ERC1: variants seen among roughly 807,000 people sequenced by gnomAD.
ERC1 encodes the protein ELKS/RAB6-interacting/CAST family member 1, also known as RAB6 interacting protein 2.
A neutral mutation model predicts 132.0 loss-of-function variants in ERC1; 56 were observed. The observed-to-expected ratio is 0.42, with a 90% CI of 0.34 to 0.53. ERC1 has a LOEUF of 0.53. Among genes scored for constraint, ERC1 ranks in the 20% least tolerant of loss-of-function variants. ERC1 has a pLI of 0.03. For missense variants in ERC1, 1,202 were observed against 1,349.9 expected (o/e 0.89, Z 1.72); for synonymous variants, 478 against 476.1 (o/e 1.00, Z -0.05).
At chr12:1,013,911 T>G (rs1965093885) in intron 1 of ERC1, among the ~76,000 whole-genome samples, 1 of 151,842 alleles carries the variant, frequency 6.6e-6, no homozygotes, top group African/African-American at 2.4e-5. Flanking sequence ...AAAAAAAAAG[T>G]TTTTTGTGGA....
intron 5 of ERC1, among the ~76,000 whole-genome samples, chr12:1,110,971 T>C (rs1476921573): frequency 6.6e-6 from 1 of 152,204 alleles, no homozygotes; most frequent in African/African-American, 2.4e-5. Flanking sequence ...CCCAAAGTGC[T>C]GGGATTACAG....
At chr12:1,375,544 T>C (rs552430481) in intron 16 of ERC1, among the ~76,000 whole-genome samples, 2 of 152,252 alleles carry the variant, frequency 1.3e-5, no homozygotes, top group East Asian at 3.9e-4. Flanking sequence ...ATGTAACTTA[T>C]TTACCCATTC....
At chr12:990,934 C>CGTGTGTGTGTGT (rs758442595), upstream of ERC1, 20 of 99,418 alleles carry the variant, frequency 2.0e-4, no homozygotes, top group African/African-American at 6.1e-4. Context: ...CCGCAGGGGT[C>CGTGTGTGTGTGT]GTGTGTGTGT....
In ERC1 at chr12:1,484,739, G is replaced by A. The variant is rs144300336; in HGVS notation, c.3214-5354G>A. 8.6e-3 allele frequency among the ~76,000 whole-genome samples: 1,313 copies of A among 151,952 alleles called. 22 individuals carry two copies. Among genetic ancestry groups the A allele is most frequent in the African/African-American group, 0.03 (1,232 of 41,424 alleles). On this transcript the variant is annotated intron_variant, in intron 18 of 18. Transcript: ENST00000360905. ...ACTACAGGTGCACGCCACCATGCCC[G>A]GCTAATTTTTTGTATTTTTTTTAGT...
chr12:1,464,613 G>A (rs1044768279), intron 18 of ERC1, among the ~76,000 whole-genome samples: 6 of 135,448 alleles, frequency 4.4e-5, no homozygotes, highest in Admixed American at 2.5e-4. Context: ...TCCCCCTCCC[G>A]AGTTCAAGCA....
At chr12:1,099,499 A>G (rs1445206913) in intron 3 of ERC1, among the ~76,000 whole-genome samples, 1 of 152,234 alleles carries the variant, frequency 6.6e-6, no homozygotes, top group Non-Finnish European at 1.5e-5. Context: ...ACAAGATCCC[A>G]AGACTACGTC....
At chr12:1,196,214 T>C (rs1047036276) in intron 12 of ERC1, among the ~76,000 whole-genome samples, 3 of 152,130 alleles carry the variant, frequency 2.0e-5, no homozygotes, top group African/African-American at 7.2e-5. Flanking sequence ...ACTTTTCTTT[T>C]GTTGTAGTCC....
intron 18 of ERC1, among the ~76,000 whole-genome samples, chr12:1,482,805 G>T (rs963541449): frequency 2.0e-5 from 3 of 152,056 alleles, no homozygotes; most frequent in Non-Finnish European, 4.4e-5. Flanking sequence ...CCCATTGCAA[G>T]TACATAATTC....
At chr12:1,052,972 A>G (rs905385206) in intron 2 of ERC1, among the ~76,000 whole-genome samples, 4 of 137,642 alleles carry the variant, frequency 2.9e-5, no homozygotes, top group Non-Finnish European at 4.5e-5. Context: ...CTATGTCTCG[A>G]AAAAAAAAAA....
intron 18 of ERC1, among the ~76,000 whole-genome samples, chr12:1,452,152 T>C (rs1211958760): frequency 6.6e-6 from 1 of 152,240 alleles, no homozygotes; most frequent in Non-Finnish European, 1.5e-5. Context: ...CACCTTGTTT[T>C]TGAGATGTTC....
chr12:1,424,226 T>C (rs535987427), intron 17 of ERC1, among the ~76,000 whole-genome samples: 1 of 152,274 alleles, frequency 6.6e-6, no homozygotes, highest in African/African-American at 2.4e-5. Flanking sequence ...AATGAATGAG[T>C]AGGCAATCTA....
At chr12:1,196,466 G>A (rs1160376122) in intron 12 of ERC1, among the ~76,000 whole-genome samples, 2 of 151,500 alleles carry the variant, frequency 1.3e-5, no homozygotes, top group East Asian at 1.9e-4. Context: ...TTGGGTTGGG[G>A]GGGTATGTGT....
chr12:1,329,703 A>C (rs1387622490), intron 15 of ERC1, among the ~76,000 whole-genome samples: 1 of 152,238 alleles, frequency 6.6e-6, no homozygotes, highest in Non-Finnish European at 1.5e-5. Context: ...AATGTGAATA[A>C]GATACCAAAA....
chr12:1,395,426 T>C (rs1203587139), intron 16 of ERC1, among the ~76,000 whole-genome samples: 2 of 149,002 alleles, frequency 1.3e-5, no homozygotes, highest in African/African-American at 5.0e-5. Context: ...TTTTTTTCAG[T>C]TTTAAAATGT....
chr12:1,224,924 A>G (rs2074434062), intron 12 of ERC1, among the ~76,000 whole-genome samples: 1 of 152,054 alleles, frequency 6.6e-6, no homozygotes, highest in Non-Finnish European at 1.5e-5. Context: ...CTGGGAAATG[A>G]GCTATGATTG....
intron 13 of ERC1, among the ~76,000 whole-genome samples, chr12:1,252,580 A>G (rs936290904): frequency 1.3e-5 from 2 of 152,096 alleles, no homozygotes; most frequent in African/African-American, 4.8e-5. Context: ...TTATATGTGT[A>G]CTTTTCTGTT....
At chr12:1,341,063 CTTTTTCTTTTTTTTTTT>C (rs2083799684) in intron 15 of ERC1, among the ~76,000 whole-genome samples, 1 of 45,160 alleles carries the variant, frequency 2.2e-5, no homozygotes, top group Non-Finnish European at 4.5e-5. Flanking sequence ...TTATTCTTTT[CTTTTTCTTTTTTTTTTT>C]TTTTTTTTTT....
chr12:1,437,101 C>G (rs566801698), intron 17 of ERC1, among the ~76,000 whole-genome samples: 13 of 152,200 alleles, frequency 8.5e-5, no homozygotes, highest in Non-Finnish European at 1.5e-4. Flanking sequence ...TTTGTTAACT[C>G]TTAACAGCAA....
At chr12:1,290,150 G>C (rs2079339317) in intron 15 of ERC1, 138 bp downstream of exon 15, 2 of 714,384 alleles carry the variant, frequency 2.8e-6, no homozygotes, top group African/African-American at 3.6e-5. Context: ...TCACTCTCTA[G>C]AATAAATTTG....
Sources: gnomAD v4.1 joint callset for allele counts (sites outside exome capture counted in the v4.1 genomes callset) on GRCh38, gnomAD v4.1.1 for gene constraint, MANE v1.5 for transcripts, NCBI Gene and HGNC (gene_info 2026-07-23, HGNC 2026-07-21) for gene names.